LPA: variants seen among roughly 807,000 people sequenced by gnomAD.
LPA encodes lipoprotein(a).
Under a neutral mutation model 197.9 loss-of-function variants are expected in LPA, and 199 were observed. That is an observed-to-expected ratio of 1.01 (90% CI 0.90 to 1.13). The LOEUF is 1.13. Ranked by LOEUF, LPA falls within the 50% of genes most tolerant of loss-of-function variation. The pLI, the probability that LPA is intolerant of heterozygous loss-of-function variation, is 0.00. For missense variants in LPA, 1,853 were observed against 1,785.8 expected, an observed-to-expected ratio of 1.04 and a Z score of -0.68; for synonymous variants, 715 against 639.5, an observed-to-expected ratio of 1.12 and a Z score of -1.78.
chr6:160,606,887 C>T (rs1226991489), intron 16 of LPA, among the ~76,000 whole-genome samples: 10 of 152,128 alleles, frequency 6.6e-5, no homozygotes, highest in Admixed American at 2.0e-4. Context: ...AAGTAGCAAA[C>T]GCTTCTTAGA....
At chr6:160,585,505 C>T (rs1778893146) in intron 25 of LPA, among the ~76,000 whole-genome samples, 1 of 152,054 alleles carries the variant, frequency 6.6e-6, no homozygotes, top group African/African-American at 2.4e-5. Context: ...TTTGCTTACA[C>T]CTCTTCTGGG....
intron 23 of LPA, among the ~76,000 whole-genome samples, 192 bp downstream of exon 23, chr6:160,590,752 C>A (rs1215180489): frequency 3.3e-5 from 5 of 152,132 alleles, no homozygotes; most frequent in African/African-American, 1.2e-4. Flanking sequence ...AAGACACCAC[C>A]CTGTCACGGG....
At chr6:160,634,555 C>A (rs1244234188) in intron 7 of LPA, among the ~76,000 whole-genome samples, 1 of 142,356 alleles carries the variant, frequency 7.0e-6, no homozygotes, top group African/African-American at 2.9e-5. Flanking sequence ...GGTACAAGTG[C>A]CATCAGAAAG....
chr6:160,566,110 G>A (rs1778449786), intron 28 of LPA, among the ~76,000 whole-genome samples: 1 of 152,148 alleles, frequency 6.6e-6, no homozygotes, highest in Admixed American at 6.5e-5. Flanking sequence ...ACACTCTTCA[G>A]GATATTATCC....
intron 33 of LPA, 139 bp from the exon 34 acceptor site, chr6:160,542,947 G>A (rs1005338507): frequency 6.4e-5 from 78 of 1,213,608 alleles, no homozygotes; most frequent in Non-Finnish European, 8.9e-5. Flanking sequence ...ACACTCTTTA[G>A]ATTTTTCTTT....
intron 1 of LPA, among the ~76,000 whole-genome samples, chr6:160,658,890 AT>A (rs1562356849): frequency 1.1e-4 from 11 of 104,490 alleles, no homozygotes; most frequent in African/African-American, 3.4e-4. Context: ...ATATATATAT[AT>A]GAGAGAGAGA....
chr6:160,576,086 A>G (rs74617384), intron 28 of LPA, among the ~76,000 whole-genome samples: 2 of 151,920 alleles, frequency 1.3e-5, no homozygotes, highest in African/African-American at 2.4e-5. Context: ...ATACACTACT[A>G]TCTGTTGTGC....
intron 26 of LPA, among the ~76,000 whole-genome samples, chr6:160,582,936 G>T (rs1778828216): frequency 6.6e-6 from 1 of 151,952 alleles, no homozygotes; most frequent in South Asian, 2.1e-4. Context: ...TTTCTAGTTA[G>T]CTTTATCATC....
intron 28 of LPA, among the ~76,000 whole-genome samples, chr6:160,568,968 T>C (rs1051010417): frequency 5.9e-5 from 9 of 152,144 alleles, no homozygotes; most frequent in African/African-American, 1.7e-4. Flanking sequence ...AACCACTGCT[T>C]AATGAAATAA....
chr6:160,586,918 T>A (rs1296817497), intron 24 of LPA, among the ~76,000 whole-genome samples: 2 of 152,196 alleles, frequency 1.3e-5, no homozygotes, highest in Non-Finnish European at 2.9e-5. Flanking sequence ...TCCTTCTACC[T>A]TCTGCCAAAT....
chr6:160,582,079 T>C (rs1344531427), intron 26 of LPA, among the ~76,000 whole-genome samples: 2 of 152,138 alleles, frequency 1.3e-5, no homozygotes, highest in African/African-American at 4.8e-5. Context: ...TCTTTGTTTT[T>C]AGGAGGACAG....
intron 16 of LPA, 139 bp downstream of exon 16, chr6:160,611,423 G>C (rs1431646915): frequency 1.3e-6 from 2 of 1,497,368 alleles, no homozygotes; most frequent in African/African-American, 2.8e-5. Context: ...TAGCTCCAAG[G>C]AAATCATCCT....
At chr6:160,559,711 T>TAAGACA (rs1411028981) in intron 28 of LPA, among the ~76,000 whole-genome samples, 3 of 152,198 alleles carry the variant, frequency 2.0e-5, no homozygotes, top group African/African-American at 7.2e-5. Flanking sequence ...TTACTTTAAG[T>TAAGACA]TTATGTGAGT....
At chr6:160,576,391 T>TATATATATAC (rs1562327987) in intron 28 of LPA, among the ~76,000 whole-genome samples, 1 of 35,464 alleles carries the variant, frequency 2.8e-5, no homozygotes, top group East Asian at 1.0e-3. Flanking sequence ...TATATATATG[T>TATATATATAC]ATATATATAT....
chr6:160,561,864 C>A (rs747772670), intron 28 of LPA, among the ~76,000 whole-genome samples: 14 of 152,092 alleles, frequency 9.2e-5, no homozygotes, highest in Admixed American at 2.6e-4. Flanking sequence ...CAGGATTTGG[C>A]TCTGTGTCTC....
At chr6:160,531,916 T>C in intron 38 of LPA, 26 bp from the exon 39 acceptor site, 1 of 1,613,800 alleles carries the variant, frequency 6.2e-7, no homozygotes. Flanking sequence ...GGAAAATTCA[T>C]GTGAGCTTTA....
chr6:160,540,209 A>G, intron 35 of LPA, 26 bp from the exon 36 acceptor site: 1 of 1,613,968 alleles, frequency 6.2e-7, no homozygotes, highest in African/African-American at 1.3e-5. Context: ...ATGTCAAGAG[A>G]AAAATATGGT....
intron 21 of LPA, 142 bp from the exon 22 acceptor site, chr6:160,594,259 C>A: frequency 1.0e-6 from 1 of 975,242 alleles, no homozygotes; most frequent in Non-Finnish European, 1.5e-6. Flanking sequence ...ATGGACATAC[C>A]AATAATAAAA....
chr6:160,574,003 G>C (rs1226411444), intron 28 of LPA, among the ~76,000 whole-genome samples: 2 of 152,120 alleles, frequency 1.3e-5, no homozygotes, highest in East Asian at 3.9e-4. Context: ...GGTGGGTAGG[G>C]AAGGACCATC....
Sources: allele counts gnomAD v4.1 joint callset (sites outside exome capture counted in the v4.1 genomes callset), GRCh38; gene constraint gnomAD v4.1.1; transcripts MANE v1.5; gene names NCBI Gene and HGNC (gene_info 2026-07-23, HGNC 2026-07-21).